PDE5A: variants seen among roughly 807,000 people sequenced by gnomAD.
PDE5A encodes the protein cGMP-specific 3',5'-cyclic phosphodiesterase.
A neutral mutation model predicts 110.2 loss-of-function variants in PDE5A; 67 were observed. The ratio of observed to expected loss-of-function variants is 0.61; its 90% CI spans 0.50 to 0.75. PDE5A has a LOEUF of 0.75. Ranked by LOEUF, PDE5A falls within the 30% of genes least tolerant of loss-of-function variation. The probability of loss-of-function intolerance (pLI) is 0.00; values close to 1 mark genes in which losing one functional copy is unlikely to be tolerated. For missense variants in PDE5A, 862 were observed against 1,045.1 expected (o/e 0.82, Z 2.42); for synonymous variants, 328 against 351.2 (o/e 0.93, Z 0.74).
intron 16 of PDE5A, 103 bp downstream of exon 16, chr4:119,507,501 C>A: frequency 1.3e-6 from 1 of 752,764 alleles, no homozygotes. Flanking sequence ...AGCAGTTTTG[C>A]CAGGACATTT....
intron 4 of PDE5A, among the ~76,000 whole-genome samples, chr4:119,566,328 T>C (rs1414499700): frequency 2.0e-5 from 3 of 152,158 alleles, no homozygotes; most frequent in South Asian, 2.1e-4. Context: ...CAAAAGCTCC[T>C]AGTAATTTTC....
chr4:119,513,666 T>C (rs1158914439), intron 14 of PDE5A, among the ~76,000 whole-genome samples: 1 of 152,166 alleles, frequency 6.6e-6, no homozygotes, highest in Non-Finnish European at 1.5e-5. Context: ...CATTCAAGTA[T>C]ATCCTCTTCA....
intron 2 of PDE5A, among the ~76,000 whole-genome samples, chr4:119,604,905 C>T (rs933928044): frequency 2.0e-5 from 3 of 152,122 alleles, no homozygotes; most frequent in Non-Finnish European, 4.4e-5. Flanking sequence ...ACTTCTTCAT[C>T]CGAAATCCAT....
intron 11 of PDE5A, among the ~76,000 whole-genome samples, chr4:119,537,439 G>A (rs756464620): frequency 7.9e-5 from 12 of 152,084 alleles, no homozygotes; most frequent in Non-Finnish European, 1.6e-4. Flanking sequence ...CCACTGATGA[G>A]ATCTCCTCCC....
intron 17 of PDE5A, 84 bp downstream of exon 17, chr4:119,505,770 CA>C: frequency 1.4e-6 from 1 of 729,986 alleles, no homozygotes; most frequent in Admixed American, 2.9e-5. Context: ...CAAATAATTG[CA>C]ATAAAAACTA....
intron 16 of PDE5A, among the ~76,000 whole-genome samples, chr4:119,506,247 A>T (rs1232077821): frequency 6.6e-6 from 1 of 151,816 alleles, no homozygotes; most frequent in Non-Finnish European, 1.5e-5. Flanking sequence ...TGATGCTGAG[A>T]ATGATTTCAG....
chr4:119,623,957 GA>G (rs1730250650), intron 1 of PDE5A, among the ~76,000 whole-genome samples: 1 of 152,182 alleles, frequency 6.6e-6, no homozygotes, highest in African/African-American at 2.4e-5. Context: ...TTGAAACTTT[GA>G]AAACACTAGA....
At chr4:119,581,771 C>A (rs1021362103) in intron 3 of PDE5A, among the ~76,000 whole-genome samples, 66 of 152,296 alleles carry the variant, frequency 4.3e-4, no homozygotes, top group African/African-American at 1.6e-3. Flanking sequence ...GCGAGTTACA[C>A]AGATATTTTG....
chr4:119,595,644 C>T (rs1729127147), intron 3 of PDE5A, among the ~76,000 whole-genome samples: 1 of 152,294 alleles, frequency 6.6e-6, no homozygotes, highest in South Asian at 2.1e-4. Context: ...TACTCAGATC[C>T]TTGGATTCTA....
At chr4:119,598,097 T>C (rs1448103694) in intron 2 of PDE5A, among the ~76,000 whole-genome samples, 1 of 152,144 alleles carries the variant, frequency 6.6e-6, no homozygotes, top group East Asian at 1.9e-4. Flanking sequence ...TAGTGAATTA[T>C]TTTACAAACC....
chr4:119,539,774 C>T (rs919169208), intron 10 of PDE5A, among the ~76,000 whole-genome samples: 14 of 152,070 alleles, frequency 9.2e-5, no homozygotes, highest in Non-Finnish European at 2.1e-4. Context: ...ACTTAATTTC[C>T]ATTTTCAAAA....
chr4:119,502,811 G>A (rs1450341857), intron 18 of PDE5A, among the ~76,000 whole-genome samples, 156 bp from the exon 19 acceptor site: 2 of 152,136 alleles, frequency 1.3e-5, no homozygotes, highest in South Asian at 2.1e-4. Context: ...CATGTCCAAA[G>A]CGTGCTCTCT....
rs991347376 is a variant in PDE5A, at chr4:119,498,462, A to G, written c.*139T>C. ...TAAAAACATTCATGCTATACTCTCAAAAGTTGTGCAAAAATAAAAATACAG... is the reference window on the plus strand; with the variant it reads ...TAAAAACATTCATGCTATACTCTCAGAAGTTGTGCAAAAATAAAAATACAG... On this transcript the variant is annotated 3_prime_UTR_variant, in exon 21 of 21. Coordinates refer to ENST00000354960, the MANE Select transcript of PDE5A (RefSeq NM_001083.4). 3 of 869,358 alleles carry G rather than the reference A, an allele frequency of 3.5e-6. No individual in the cohort carries two copies. Among genetic ancestry groups the G allele is most frequent in the Admixed American group, 2.6e-5 (1 of 38,940 alleles). 53.9% of individuals were successfully genotyped at this position (869,358 alleles called of 1,614,324 possible). A position where few individuals can be genotyped will look rare whatever the true frequency, so the allele number is the denominator to read the frequency against.
intron 14 of PDE5A, chr4:119,517,019 G>A (rs13104219): frequency 1.3e-5 from 2 of 151,950 alleles, no homozygotes. Context: ...TCCTCTACGA[G>A]GGTAGTTTCC....
intron 4 of PDE5A, among the ~76,000 whole-genome samples, chr4:119,565,851 C>T (rs1727910908): frequency 6.6e-6 from 1 of 151,464 alleles, no homozygotes; most frequent in South Asian, 2.1e-4. Context: ...AAGTTGCAAA[C>T]ATTAAATATG....
chr4:119,609,664 A>G (rs1402063579), intron 1 of PDE5A, among the ~76,000 whole-genome samples: 1 of 152,186 alleles, frequency 6.6e-6, no homozygotes, highest in Non-Finnish European at 1.5e-5. Context: ...ACAGTTATAA[A>G]AGTCTCCAAA....
At chr4:119,536,456 A>C (rs1726726900) in intron 11 of PDE5A, among the ~76,000 whole-genome samples, 1 of 152,212 alleles carries the variant, frequency 6.6e-6, no homozygotes, top group African/African-American at 2.4e-5. Context: ...AAGAATAGAC[A>C]AATGGGCCAA....
intron 12 of PDE5A, among the ~76,000 whole-genome samples, chr4:119,523,078 C>A (rs1726188305): frequency 6.6e-6 from 1 of 152,028 alleles, no homozygotes; most frequent in Admixed American, 6.6e-5. Context: ...CAAGTTTATA[C>A]ATTGCCAAAT....
chr4:119,539,089 T>C, intron 10 of PDE5A, 70 bp from the exon 11 acceptor site: 6 of 1,152,876 alleles, frequency 5.2e-6, no homozygotes, highest in African/African-American at 1.5e-5. Flanking sequence ...AACTTCAAGC[T>C]TGGAATTCTG....
Sources: gnomAD v4.1 joint callset for allele counts (sites outside exome capture counted in the v4.1 genomes callset) on GRCh38, gnomAD v4.1.1 for gene constraint, MANE v1.5 for transcripts, NCBI Gene and HGNC (gene_info 2026-07-23, HGNC 2026-07-21) for gene names.